Variants in TMEM132D observed in about 807,000 individuals in gnomAD.
The protein encoded by TMEM132D is transmembrane protein 132D.
A neutral mutation model predicts 62.3 loss-of-function variants in TMEM132D; 21 were observed. The ratio of observed to expected loss-of-function variants is 0.34; its 90% confidence interval spans 0.24 to 0.49. The LOEUF is 0.49. Among genes scored for constraint, TMEM132D ranks in the 20% least tolerant of loss-of-function variants. The pLI is 0.99. For missense variants in TMEM132D, 1,346 were observed against 1,402.8 expected (o/e 0.96, Z 0.65); for synonymous variants, 621 against 575.6 (o/e 1.08, Z -1.13).
chr12:129,452,405 A>T (rs192180964), intron 3 of TMEM132D, among the ~76,000 whole-genome samples: 66 of 152,354 alleles, frequency 4.3e-4, no homozygotes, highest in African/African-American at 1.5e-3. Flanking sequence ...TTCCGTGCTT[A>T]CAAAGTGATT....
chr12:129,708,802 AC>A, intron 1 of TMEM132D, among the ~76,000 whole-genome samples: 1 of 152,218 alleles, frequency 6.6e-6, no homozygotes, highest in South Asian at 2.1e-4. Context: ...ACATCTGGCA[AC>A]CCAACTTAGG....
chr12:129,734,735 A>C (rs962500762), intron 1 of TMEM132D, among the ~76,000 whole-genome samples: 1 of 152,200 alleles, frequency 6.6e-6, no homozygotes, highest in African/African-American at 2.4e-5. Context: ...TGATTGCTTC[A>C]GGAAACAAAA....
chr12:129,470,711 A>G (rs1225044870), intron 3 of TMEM132D, among the ~76,000 whole-genome samples: 1 of 152,212 alleles, frequency 6.6e-6, no homozygotes, highest in Non-Finnish European at 1.5e-5. Flanking sequence ...TATTTTTACA[A>G]TTCTATAAAC....
intron 3 of TMEM132D, among the ~76,000 whole-genome samples, chr12:129,510,753 G>A (rs915644152): frequency 1.4e-4 from 22 of 152,148 alleles, no homozygotes; most frequent in Middle Eastern, 3.4e-3. Flanking sequence ...GTATTCCAGC[G>A]TCTAATAATT....
chr12:129,433,221 T>C (rs779323242), intron 3 of TMEM132D, among the ~76,000 whole-genome samples: 2 of 152,236 alleles, frequency 1.3e-5, no homozygotes, highest in Non-Finnish European at 2.9e-5. Context: ...AGGGACATTC[T>C]TGCCCATGTC....
In TMEM132D at chr12:129,432,277, CAATGGATGGATGCTTGGATGGATGGATG is replaced by C. The variant is rs1215856442; in HGVS notation, c.1116-94488_1116-94461del. Among the ~76,000 whole-genome samples the C allele has an allele frequency of 2.4e-4, 9 of 38,058 alleles. No individual in the cohort carries two copies. The East Asian group carries it at 3.2e-3, about 13-fold the overall frequency. 25.0% of individuals were successfully genotyped at this position (38,058 alleles called of 152,430 possible). On this transcript the variant is annotated intron_variant, in intron 3 of 8. Transcript: ENST00000422113. ...TGGATGGATGGAAGGATGGATGGATCAATGGATGGATGCTTGGATGGATGGATGGATGGATGGATGCTTGGATGGATGG... is the reference window on the plus strand; with the variant it reads ...TGGATGGATGGAAGGATGGATGGATCGATGGATGGATGCTTGGATGGATGG...
rs375230592 is a variant in TMEM132D at position 129,770,140 on chromosome 12, G to GTTTTTTTTTT, written c.80-69443_80-69442insAAAAAAAAAA. Among the ~76,000 whole-genome samples the GTTTTTTTTTT allele has an allele frequency of 3.5e-4, 37 of 104,334 alleles. 3 individuals carry two copies. Among genetic ancestry groups the GTTTTTTTTTT allele is most frequent in the Non-Finnish European group, 5.7e-4 (31 of 54,144 alleles). The allele number at this position is 104,334 out of a possible 152,430, so 68.4% of individuals were successfully genotyped here. ...ATGAGATTCTTTGTGGGTTTTTTTG[G>GTTTTTTTTTT]TTGTTTTTTTTTTTTTTTTTTGAGA... On this transcript the variant is annotated intron_variant, in intron 1 of 8. Coordinates refer to ENST00000422113, the MANE Select transcript of TMEM132D (RefSeq NM_133448.3).
At chr12:129,100,568 G>A (rs10847765) in intron 5 of TMEM132D, among the ~76,000 whole-genome samples, 51,673 of 152,058 alleles carry the variant, frequency 0.34, 9,014 homozygotes, top group East Asian at 0.45. Context: ...CGAGGACAAA[G>A]TTACTGTAAA....
chr12:129,316,743 G>A (rs1868498978), intron 4 of TMEM132D, among the ~76,000 whole-genome samples: 1 of 152,124 alleles, frequency 6.6e-6, no homozygotes, highest in Admixed American at 6.5e-5. Flanking sequence ...TGTCAGTGGA[G>A]TACTAAAGTC....
intron 4 of TMEM132D, among the ~76,000 whole-genome samples, chr12:129,267,253 T>G (rs1880722259): frequency 6.6e-6 from 1 of 152,200 alleles, no homozygotes; most frequent in Non-Finnish European, 1.5e-5. Context: ...TGTCCCTGTT[T>G]GCAGATGACA....
intron 1 of TMEM132D, among the ~76,000 whole-genome samples, chr12:129,768,170 T>C (rs2137280351): frequency 6.6e-6 from 1 of 152,320 alleles, no homozygotes; most frequent in Admixed American, 6.5e-5. Flanking sequence ...GTAATACTGC[T>C]ATAAAATAAA....
intron 4 of TMEM132D, among the ~76,000 whole-genome samples, chr12:129,222,509 A>T (rs1412258487): frequency 6.6e-6 from 1 of 152,208 alleles, no homozygotes; most frequent in African/African-American, 2.4e-5. Flanking sequence ...TTTAGACTTT[A>T]GCTACTGATT....
At chr12:129,753,206 T>G (rs916062480) in intron 1 of TMEM132D, among the ~76,000 whole-genome samples, 1 of 152,308 alleles carries the variant, frequency 6.6e-6, no homozygotes, top group Admixed American at 6.5e-5. Flanking sequence ...TCCTGGGATT[T>G]AGGGATGTGC....
At chr12:129,539,009 T>TTGGCTA (rs1443310731) in intron 2 of TMEM132D, among the ~76,000 whole-genome samples, 11 of 151,544 alleles carry the variant, frequency 7.3e-5, no homozygotes, top group South Asian at 2.1e-4. Context: ...AGAAGGAGCG[T>TTGGCTA]CCTCTGCTGC....
At chr12:129,282,484 T>G (rs1312576215) in intron 4 of TMEM132D, among the ~76,000 whole-genome samples, 1 of 152,172 alleles carries the variant, frequency 6.6e-6, no homozygotes, top group Non-Finnish European at 1.5e-5. Flanking sequence ...GAGGTCCAGA[T>G]GAACACCAGC....
At chr12:129,794,166 G>C (rs1871488873) in intron 1 of TMEM132D, among the ~76,000 whole-genome samples, 1 of 150,084 alleles carries the variant, frequency 6.7e-6, no homozygotes, top group African/African-American at 2.5e-5. Context: ...TCGGCTCACA[G>C]CAACCTCCAC....
At chr12:129,185,077 T>C (rs1420884655) in intron 5 of TMEM132D, among the ~76,000 whole-genome samples, 2 of 152,226 alleles carry the variant, frequency 1.3e-5, no homozygotes, top group Non-Finnish European at 2.9e-5. Flanking sequence ...ACTTATTTAT[T>C]TTCTAAAATT....
intron 5 of TMEM132D, among the ~76,000 whole-genome samples, chr12:129,144,036 C>T (rs865877142): frequency 2.6e-5 from 4 of 152,126 alleles, no homozygotes; most frequent in Non-Finnish European, 4.4e-5. Context: ...TTGCGGGACC[C>T]TTATCTGCTC....
At chr12:129,626,403 C>T (rs941653352) in intron 2 of TMEM132D, among the ~76,000 whole-genome samples, 3 of 152,126 alleles carry the variant, frequency 2.0e-5, no homozygotes, top group Admixed American at 6.5e-5. Flanking sequence ...ATTCAACAGG[C>T]TTGTGTGTAC....
Sources: gnomAD v4.1 joint callset for allele counts (sites outside exome capture counted in the v4.1 genomes callset) on GRCh38, gnomAD v4.1.1 for gene constraint, MANE v1.5 for transcripts, NCBI Gene and HGNC (gene_info 2026-07-23, HGNC 2026-07-21) for gene names.